ALDH5A1: variants seen among roughly 807,000 people sequenced by gnomAD.
The protein encoded by ALDH5A1 is succinate-semialdehyde dehydrogenase, mitochondrial.
A neutral mutation model predicts 54.7 loss-of-function variants in ALDH5A1; 33 were observed. That is an observed-to-expected ratio of 0.60 (90% CI 0.46 to 0.81). ALDH5A1 has a LOEUF of 0.81. ALDH5A1 is among the 30% of genes least tolerant of loss of function. ALDH5A1 has a pLI of 0.00. For missense variants in ALDH5A1, 657 were observed against 711.0 expected (o/e 0.92, Z 0.86); for synonymous variants, 294 against 292.7 (o/e 1.00, Z -0.05).
In ALDH5A1 at chr6:24,536,822, T is replaced by C. The variant is rs535147871; in HGVS notation, c.*3110T>C. 4 of 152,790 alleles carry C rather than the reference T, an allele frequency of 2.6e-5. No individual in the cohort carries two copies. In the South Asian group the frequency reaches 8.3e-4, roughly 32 times the overall value. 9.5% of individuals were successfully genotyped at this position (152,790 alleles called of 1,614,324 possible). ...ATGATTTTATGTGAAGTGCCATTTCTTTATTCTACTAAAGAGAGACAGCAG... is the reference window on the plus strand; with the variant it reads ...ATGATTTTATGTGAAGTGCCATTTCCTTATTCTACTAAAGAGAGACAGCAG... On this transcript the variant is annotated 3_prime_UTR_variant, in exon 10 of 10. Transcript: ENST00000357578.
At chr6:24,501,402 CA>C (rs572001648) in intron 1 of ALDH5A1, among the ~76,000 whole-genome samples, 26 of 152,254 alleles carry the variant, frequency 1.7e-4, no homozygotes, top group Non-Finnish European at 2.9e-4. Flanking sequence ...GCTTGTTTTC[CA>C]AAGAAAAGTA....
intron 3 of ALDH5A1, among the ~76,000 whole-genome samples, 169 bp from the exon 4 acceptor site, chr6:24,504,700 C>G (rs772421793): frequency 1.4e-4 from 21 of 152,050 alleles, no homozygotes; most frequent in Non-Finnish European, 2.1e-4. Flanking sequence ...CTCAGAGTCC[C>G]TCAAGTTGGC....
rs1759725409 is a variant in ALDH5A1 at position 24,522,910 on chromosome 6, A to G, written c.1158A>G (p.Glu386=). The G allele has an allele frequency of 6.2e-7, 1 of 1,614,034 alleles. No homozygotes were observed. The highest frequency in any genetic ancestry group is 8.5e-7 in the Non-Finnish European group (1 of 1,179,984). Residue 386 remains glutamate, a synonymous_variant, in exon 7 of 10, where the codon GAA becomes GAG. Transcript: ENST00000357578. ...CTACTCAGGGCCCATTAATTAATGA[A>G]AAAGCGGTAGAAAAGGTAAGTATAT... ...EGTTQGPLIN[E]KAVEKVEKQV...
At chr6:24,526,868 T>G in intron 7 of ALDH5A1, among the ~76,000 whole-genome samples, 1 of 124,730 alleles carries the variant, frequency 8.0e-6, no homozygotes, top group South Asian at 2.4e-4. Context: ...TCTATATATA[T>G]ATATCTTCTA....
At chr6:24,524,385 AGTG>A in intron 7 of ALDH5A1, among the ~76,000 whole-genome samples, 1 of 152,308 alleles carries the variant, frequency 6.6e-6, no homozygotes, top group South Asian at 2.1e-4. Context: ...GGAGACACAC[AGTG>A]GAGGCACAGC....
chr6:24,523,535 C>T (rs186792019), intron 7 of ALDH5A1, among the ~76,000 whole-genome samples: 6 of 152,332 alleles, frequency 3.9e-5, no homozygotes, highest in Non-Finnish European at 5.9e-5. Flanking sequence ...TGCGGTCTGT[C>T]ACTGTAGCTC....
At chr6:24,495,444 C>T in intron 1 of ALDH5A1, 94 bp downstream of exon 1, 1 of 1,267,446 alleles carries the variant, frequency 7.9e-7, no homozygotes, top group Non-Finnish European at 1.1e-6. Flanking sequence ...GCCGCGTCGC[C>T]TCCCTCCTGT....
chr6:24,523,006 G>T, intron 7 of ALDH5A1, 81 bp downstream of exon 7: 1 of 1,277,376 alleles, frequency 7.8e-7, no homozygotes. Flanking sequence ...CACTTTGGCT[G>T]GAGGGGTGGG....
chr6:24,514,419 T>C (rs1040457885), intron 4 of ALDH5A1, among the ~76,000 whole-genome samples: 2 of 152,092 alleles, frequency 1.3e-5, no homozygotes, highest in African/African-American at 4.8e-5. Flanking sequence ...TGCTTCTTTA[T>C]TAGTTTGAAC....
At chr6:24,522,581 A>G (rs1581819791) in intron 6 of ALDH5A1, 186 bp from the exon 7 acceptor site, 3 of 596,182 alleles carry the variant, frequency 5.0e-6, no homozygotes, top group East Asian at 3.1e-5. Context: ...ACTGGAGGGG[A>G]ACATGCACTG....
chr6:24,532,135 G>A lies in ALDH5A1; in HGVS notation c.1360G>A (p.Glu454Lys). ...CTTTGGCAGGTTCGATACAGAGGAG[G>A]AGGCTATAGCAATCGCTAACGCAGC... is the stretch of plus-strand genomic sequence containing the variant. ...APVIKFDTEE[E>K]AIAIANAADV... Residue 454 changes from glutamate to lysine, a missense_variant, in exon 9 of 10, where the codon GAG becomes AAG. This residue lies in a region of ALDH5A1 where 425 missense variants were observed against 516.4 expected (regional missense o/e 0.82). Coordinates refer to ENST00000357578, the MANE Select transcript of ALDH5A1 (RefSeq NM_001080.3). 6.2e-7 allele frequency: 1 copy of A among 1,614,184 alleles called. No homozygotes were observed. Among genetic ancestry groups the A allele is most frequent in the Non-Finnish European group, 8.5e-7 (1 of 1,180,032 alleles).
chr6:24,495,388 G>A (rs1475532457), intron 1 of ALDH5A1, 38 bp downstream of exon 1: 15 of 1,525,556 alleles, frequency 9.8e-6, no homozygotes, highest in Non-Finnish European at 1.2e-5. Flanking sequence ...GAGCTGGCCG[G>A]GGACACGGCG....
intron 4 of ALDH5A1, among the ~76,000 whole-genome samples, chr6:24,514,374 A>C (rs914729216): frequency 6.6e-6 from 1 of 151,986 alleles, no homozygotes; most frequent in African/African-American, 2.4e-5. Context: ...ATCTCCTTTG[A>C]TTTTTCTCAG....
intron 5 of ALDH5A1, 114 bp downstream of exon 5, chr6:24,515,424 T>C (rs1238987480): frequency 7.6e-7 from 1 of 1,318,444 alleles, no homozygotes; most frequent in Non-Finnish European, 1.1e-6. Flanking sequence ...TCCAGCAGAG[T>C]GTTAAAAGCT....
rs919822162 is a variant in ALDH5A1 at position 24,518,836 on chromosome 6, T to C, written c.871-1565T>C. On this transcript the variant is annotated intron_variant, in intron 5 of 9. Coordinates refer to ENST00000357578, the MANE Select transcript of ALDH5A1 (RefSeq NM_001080.3). This position sits in a 1 kb window ranked among gnomAD's most constrained non-coding sequence, Gnocchi z 4.2. Reference sequence around the variant, plus strand: ...CTTGGGGGGCAATCCTAGAGCCACCTTGGGCTTGCGAACACCGTCTGTTTC... The same window carrying C: ...CTTGGGGGGCAATCCTAGAGCCACCCTGGGCTTGCGAACACCGTCTGTTTC... Among the ~76,000 whole-genome samples, 4 of 152,182 alleles carry C rather than the reference T, an allele frequency of 2.6e-5. No homozygotes were observed. The highest frequency in any genetic ancestry group is 9.7e-5 in the African/African-American group (4 of 41,444).
chr6:24,520,003 C>T (rs1444024818), intron 5 of ALDH5A1, among the ~76,000 whole-genome samples: 3 of 151,936 alleles, frequency 2.0e-5, no homozygotes, highest in African/African-American at 7.3e-5. Flanking sequence ...AACCCTGACT[C>T]ACTCCCTCTT....
chr6:24,524,376 G>A lies in ALDH5A1; in HGVS notation c.1173+1451G>A, dbSNP rs115417391. Reference sequence around the variant, plus strand: ...AGAAGGGAGGAGAGGTGGTCAGAGGGAGACACACAGTGGAGGCACAGCCAG... The same window carrying A: ...AGAAGGGAGGAGAGGTGGTCAGAGGAAGACACACAGTGGAGGCACAGCCAG... On this transcript the variant is annotated intron_variant, in intron 7 of 9. Transcript: ENST00000357578. Among the ~76,000 whole-genome samples, 1,233 of 152,252 alleles carry A rather than the reference G, an allele frequency of 8.1e-3. 16 individuals are homozygous for A. Among genetic ancestry groups the A allele is most frequent in the African/African-American group, 0.028 (1,156 of 41,542 alleles).
intron 8 of ALDH5A1, 40 bp downstream of exon 8, chr6:24,528,206 A>G: frequency 6.2e-7 from 1 of 1,611,144 alleles, no homozygotes; most frequent in Non-Finnish European, 8.5e-7. Context: ...GAGGAAGAAT[A>G]GAAGAGAACA....
chr6:24,517,096 T>C (rs1483071784), intron 5 of ALDH5A1, among the ~76,000 whole-genome samples: 1 of 152,146 alleles, frequency 6.6e-6, no homozygotes, highest in Non-Finnish European at 1.5e-5. Context: ...AACCTCTGCT[T>C]CCTGGGTTCA....
Sources: allele counts gnomAD v4.1 joint callset (sites outside exome capture counted in the v4.1 genomes callset), GRCh38; gene constraint gnomAD v4.1.1; regional missense constraint gnomAD v4.1.1; non-coding constraint Gnocchi (gnomAD v3.1); transcripts MANE v1.5; gene names NCBI Gene and HGNC (gene_info 2026-07-23, HGNC 2026-07-21).